The following CNTLN variants were observed in gnomAD, a reference collection of about 807,000 sequenced individuals.
CNTLN encodes centlein, centrosomal protein.
In CNTLN, 212 loss-of-function variants were observed where a neutral mutation model predicts 180.0. The observed-to-expected ratio is 1.18, with a 90% CI of 1.05 to 1.32. The LOEUF (loss-of-function observed/expected upper bound fraction) is 1.32, where lower values mean the gene tolerates loss of function less well. Ranked by LOEUF, CNTLN falls within the 40% of genes most tolerant of loss-of-function variation. The probability of loss-of-function intolerance (pLI) is 0.00; values close to 1 mark genes in which losing one functional copy is unlikely to be tolerated. For missense variants in CNTLN, 2,095 were observed against 1,610.9 expected, an observed-to-expected ratio of 1.30 and a Z score of -5.14; for synonymous variants, 722 against 563.1, an observed-to-expected ratio of 1.28 and a Z score of -3.99.
chr9:17,366,935 G>T (rs531041550), intron 13 of CNTLN, among the ~76,000 whole-genome samples: 1 of 152,156 alleles, frequency 6.6e-6, no homozygotes. Flanking sequence ...AGGGGAGAAC[G>T]TACAGCAAGA....
chr9:17,355,608 A>C (rs1407861520), intron 12 of CNTLN, among the ~76,000 whole-genome samples: 1 of 152,092 alleles, frequency 6.6e-6, no homozygotes. Context: ...TTAATTTTTT[A>C]TATGTGGTGT....
At chr9:17,509,088 C>G in the CNTLN span, among the ~76,000 whole-genome samples, 10 of 152,220 alleles carry the variant, frequency 6.6e-5, no homozygotes, top group African/African-American at 2.2e-4. Flanking sequence ...TGTCTTTGCC[C>G]AGTGGGCTTC....
At chr9:17,448,519 A>G (rs1830584211) in intron 18 of CNTLN, 1 of 152,240 alleles carries the variant, frequency 6.6e-6, no homozygotes, top group Admixed American at 6.5e-5. Context: ...AGAGGCTCCA[A>G]ACTCTGCGTG....
intron 13 of CNTLN, among the ~76,000 whole-genome samples, chr9:17,368,725 C>T (rs918508479): frequency 3.3e-5 from 5 of 152,174 alleles, no homozygotes; most frequent in South Asian, 2.1e-4. Flanking sequence ...AGAATTCTTC[C>T]GGATCTTATC....
intron 23 of CNTLN, among the ~76,000 whole-genome samples, chr9:17,473,778 C>G (rs1244932780): frequency 6.6e-6 from 1 of 152,104 alleles, no homozygotes; most frequent in African/African-American, 2.4e-5. Context: ...TCTTATTACC[C>G]CGCCAAAGTA....
chr9:17,462,783 T>G (rs913675905), intron 19 of CNTLN, 133 bp from the exon 20 acceptor site: 4 of 409,544 alleles, frequency 9.8e-6, no homozygotes, highest in Non-Finnish European at 1.8e-5. Context: ...TTTAAAATAT[T>G]AAAATATTCA....
At chr9:17,376,636 A>T (rs1255373256) in intron 13 of CNTLN, among the ~76,000 whole-genome samples, 1 of 151,982 alleles carries the variant, frequency 6.6e-6, no homozygotes, top group Non-Finnish European at 1.5e-5. Flanking sequence ...TATTTTTAGT[A>T]GAGACGGGGT....
chr9:17,480,049 T>C (rs1045797563), intron 23 of CNTLN, among the ~76,000 whole-genome samples: 1 of 152,050 alleles, frequency 6.6e-6, no homozygotes, highest in Non-Finnish European at 1.5e-5. Flanking sequence ...AATTGACCGG[T>C]CATGGTGGGC....
intron 23 of CNTLN, among the ~76,000 whole-genome samples, chr9:17,480,327 T>G (rs1832577677): frequency 6.8e-6 from 1 of 148,038 alleles, no homozygotes; most frequent in African/African-American, 2.5e-5. Flanking sequence ...AAAGAAGATA[T>G]AGCAATATTA....
In CNTLN at chr9:17,336,913, TA is replaced by T. The variant is rs772094516; in HGVS notation, c.1645-3912del. On this transcript the variant is annotated intron_variant, in intron 10 of 25. Transcript: ENST00000380647. ...ACACTGTCTTCCACAATGGTTGAAC[TA>T]ATTTACCCTCCCGCCAACAGTGTAC... is the stretch of plus-strand genomic sequence containing the variant. Among the ~76,000 whole-genome samples, 8 of 152,182 alleles carry T rather than the reference TA, an allele frequency of 5.3e-5. 1 individual carries two copies. Among genetic ancestry groups the T allele is most frequent in the Non-Finnish European group, 1.0e-4 (7 of 68,036 alleles).
chr9:17,135,872 A>C (rs1817679609), intron 1 of CNTLN, among the ~76,000 whole-genome samples: 1 of 152,102 alleles, frequency 6.6e-6, no homozygotes, highest in Non-Finnish European at 1.5e-5. Flanking sequence ...TTTCAAACCC[A>C]CACTTGGCTT....
the CNTLN span, among the ~76,000 whole-genome samples, chr9:17,523,558 C>T: frequency 6.6e-6 from 1 of 152,038 alleles, no homozygotes; most frequent in Non-Finnish European, 1.5e-5. Flanking sequence ...CTTCAAGGTG[C>T]CTTACCTAGT....
At chr9:17,499,628 T>C (rs1346465664) in intron 25 of CNTLN, among the ~76,000 whole-genome samples, 1 of 152,216 alleles carries the variant, frequency 6.6e-6, no homozygotes, top group Non-Finnish European at 1.5e-5. Context: ...TTTTTTAAAT[T>C]GACAGTTACT....
At chr9:17,246,970 G>A (rs1825834395) in intron 5 of CNTLN, among the ~76,000 whole-genome samples, 1 of 152,046 alleles carries the variant, frequency 6.6e-6, no homozygotes, top group South Asian at 2.1e-4. Flanking sequence ...GCACTCCCTG[G>A]TGCCTTATTG....
intron 1 of CNTLN, among the ~76,000 whole-genome samples, chr9:17,136,666 C>A (rs1159732922): frequency 6.6e-6 from 1 of 152,180 alleles, no homozygotes; most frequent in Non-Finnish European, 1.5e-5. Context: ...TAGGTCCTTG[C>A]TGACTGAGTG....
chr9:17,210,433 T>A (rs1017349981), intron 2 of CNTLN, among the ~76,000 whole-genome samples: 2 of 152,230 alleles, frequency 1.3e-5, no homozygotes. Context: ...ATGGTGTATA[T>A]GTGCCACATT....
At chr9:17,248,495 T>C (rs924336359) in intron 5 of CNTLN, among the ~76,000 whole-genome samples, 4 of 149,304 alleles carry the variant, frequency 2.7e-5, no homozygotes, top group African/African-American at 7.3e-5. Flanking sequence ...TCTAAATTAT[T>C]TAATTTGATG....
intron 5 of CNTLN, among the ~76,000 whole-genome samples, chr9:17,263,441 T>G (rs9802710): frequency 0.51 from 76,669 of 150,638 alleles, 20,896 homozygotes; most frequent in South Asian, 0.77. Flanking sequence ...CCAGTCTGTC[T>G]TTGTTGGGCA....
chr9:17,230,691 G>T (rs1288477957), intron 3 of CNTLN, among the ~76,000 whole-genome samples: 1 of 152,008 alleles, frequency 6.6e-6, no homozygotes, highest in African/African-American at 2.4e-5. Flanking sequence ...TGTGTTTAAA[G>T]ATGGTTACTT....
Sources: allele counts gnomAD v4.1 joint callset (sites outside exome capture counted in the v4.1 genomes callset), GRCh38; gene constraint gnomAD v4.1.1; transcripts MANE v1.5; gene names NCBI Gene and HGNC (gene_info 2026-07-23, HGNC 2026-07-21).